STON2: variants seen among roughly 807,000 people sequenced by gnomAD.
The protein encoded by STON2 is stonin-2.
In STON2, 29 loss-of-function variants were observed where a neutral mutation model predicts 65.7. That is an observed-to-expected ratio of 0.44 (90% CI 0.33 to 0.60). The LOEUF (loss-of-function observed/expected upper bound fraction) is 0.60, where lower values mean the gene tolerates loss of function less well. Ranked by LOEUF, STON2 falls within the 20% of genes least tolerant of loss-of-function variation. STON2 has a pLI of 0.03. For synonymous variants in STON2, 404 were observed against 414.2 expected (o/e 0.98, Z 0.30); for missense variants, 1,054 against 1,118.1 (o/e 0.94, Z 0.82).
At chr14:81,385,847 A>T (rs916926287) in intron 3 of STON2, among the ~76,000 whole-genome samples, 7 of 152,248 alleles carry the variant, frequency 4.6e-5, no homozygotes, top group African/African-American at 1.4e-4. Flanking sequence ...AAGTAAACTA[A>T]TGCATATTTG....
chr14:81,324,059 G>A lies in STON2; in HGVS notation c.700C>T (p.Gln234Ter), dbSNP rs1896918120. Among the ~76,000 whole-genome samples the A allele has an allele frequency of 6.6e-6, 1 of 152,260 alleles. No individual in the cohort carries two copies. The highest frequency in any genetic ancestry group is 1.5e-5 in the Non-Finnish European group (1 of 68,050). ...CCCTCCGGACCCTCGCCGGGGTTCT[G>A]GCTCCTCTTGGGCTGGGGTGAGGGT... is the stretch of plus-strand genomic sequence containing the variant. ...SPPSPQPKRS[Q>*]NPGEGPEGAS... is the part of the protein sequence containing the mutation. Residue 234 changes from glutamine (Q) to a stop codon, truncating the protein, a stop_gained, in exon 5 of 8, where the codon CAG becomes TAG. Coordinates refer to ENST00000614646, the MANE Select transcript of STON2 (RefSeq NM_001394390.1). LOFTEE classifies it high-confidence loss of function.
chr14:81,289,756 C>T (rs1341376799), intron 5 of STON2, among the ~76,000 whole-genome samples: 1 of 152,184 alleles, frequency 6.6e-6, no homozygotes, highest in African/African-American at 2.4e-5. Context: ...ACTTTGGCCA[C>T]CAGAGCCGGC....
chr14:81,340,083 G>A (rs1047371391), intron 4 of STON2, among the ~76,000 whole-genome samples: 5 of 152,208 alleles, frequency 3.3e-5, no homozygotes, highest in African/African-American at 7.2e-5. Context: ...AAACCCGGGG[G>A]ATGGAGCCTG....
intron 1 of STON2, chr14:81,427,529 G>C (rs1902038548): frequency 6.6e-6 from 1 of 152,258 alleles, no homozygotes; most frequent in Middle Eastern, 3.4e-3. Context: ...GCGCTCCAGG[G>C]TGCCTGAGTA....
chr14:81,335,555 C>A (rs559735809), intron 4 of STON2, among the ~76,000 whole-genome samples: 1 of 152,256 alleles, frequency 6.6e-6, no homozygotes, highest in South Asian at 2.1e-4. Flanking sequence ...GCTGGACTGT[C>A]AGATACCCTG....
chr14:81,358,870 C>T (rs977284396), intron 4 of STON2, among the ~76,000 whole-genome samples: 1 of 152,046 alleles, frequency 6.6e-6, no homozygotes, highest in Non-Finnish European at 1.5e-5. Context: ...CCCCCAATAT[C>T]GAAGCACCTA....
intron 4 of STON2, among the ~76,000 whole-genome samples, chr14:81,348,509 A>G (rs1471463965): frequency 6.6e-6 from 1 of 152,124 alleles, no homozygotes; most frequent in African/African-American, 2.4e-5. Context: ...TACAATAACT[A>G]CAAAAACAAT....
chr14:81,313,423 G>T (rs1301643030), intron 5 of STON2, among the ~76,000 whole-genome samples: 2 of 151,940 alleles, frequency 1.3e-5, no homozygotes, highest in African/African-American at 2.4e-5. Context: ...GTGCAGATAC[G>T]ATGGTGAACA....
chr14:81,387,113 T>G (rs1172444946), intron 3 of STON2, among the ~76,000 whole-genome samples: 1 of 152,086 alleles, frequency 6.6e-6, no homozygotes, highest in East Asian at 1.9e-4. Flanking sequence ...TCAAAAAAAT[T>G]TCTTTAGAGA....
chr14:81,428,995 A>G (rs905191985), intron 1 of STON2, among the ~76,000 whole-genome samples: 1 of 152,202 alleles, frequency 6.6e-6, no homozygotes, highest in Non-Finnish European at 1.5e-5. Flanking sequence ...TTTCATTCAG[A>G]TGGTGTGTTT....
intron 6 of STON2, among the ~76,000 whole-genome samples, chr14:81,276,486 T>C (rs1288819530): frequency 1.3e-5 from 2 of 152,192 alleles, no homozygotes; most frequent in Non-Finnish European, 2.9e-5. Context: ...TTGTCCATGA[T>C]TGGCCATAAA....
At chr14:81,396,638 G>A (rs1435816845) in intron 2 of STON2, among the ~76,000 whole-genome samples, 3 of 152,188 alleles carry the variant, frequency 2.0e-5, no homozygotes, top group African/African-American at 7.2e-5. Context: ...ACAGCCACAG[G>A]ACACCAGGTG....
chr14:81,380,791 G>C (rs532821936), intron 3 of STON2, among the ~76,000 whole-genome samples: 1 of 152,052 alleles, frequency 6.6e-6, no homozygotes, highest in East Asian at 1.9e-4. Flanking sequence ...CAGAAATAAA[G>C]AAGAAAACAA....
intron 1 of STON2, among the ~76,000 whole-genome samples, chr14:81,429,720 G>A (rs917890747): frequency 5.9e-5 from 9 of 152,256 alleles, no homozygotes; most frequent in African/African-American, 1.7e-4. Flanking sequence ...GACCACCTGA[G>A]GTCAGAAGTT....
At chr14:81,361,381 G>A (rs916580448) in intron 4 of STON2, among the ~76,000 whole-genome samples, 4 of 151,950 alleles carry the variant, frequency 2.6e-5, no homozygotes, top group Non-Finnish European at 5.9e-5. Context: ...TTTGACAAAG[G>A]TGCCAACACA....
chr14:81,346,976 ATAAT>A (rs567605096), intron 4 of STON2, among the ~76,000 whole-genome samples: 11 of 152,264 alleles, frequency 7.2e-5, no homozygotes, highest in Non-Finnish European at 1.5e-4. Context: ...TTTCAAATAA[ATAAT>A]TAACAATGCA....
intron 3 of STON2, among the ~76,000 whole-genome samples, chr14:81,376,724 T>C (rs7158567): frequency 0.042 from 6,464 of 152,174 alleles, 491 homozygotes; most frequent in African/African-American, 0.15. Flanking sequence ...ATCTCAATCA[T>C]GGACATAGGT....
intron 2 of STON2, among the ~76,000 whole-genome samples, chr14:81,411,519 C>G (rs1901158343): frequency 6.6e-6 from 1 of 152,172 alleles, no homozygotes; most frequent in Non-Finnish European, 1.5e-5. Context: ...CCAGCCTGAC[C>G]AACATGGTGA....
intron 4 of STON2, among the ~76,000 whole-genome samples, chr14:81,355,139 T>C (rs932510298): frequency 4.6e-5 from 7 of 152,166 alleles, no homozygotes; most frequent in African/African-American, 9.7e-5. Context: ...ACAGGACTTA[T>C]GGATAAGGCA....
Sources: gnomAD v4.1 joint callset for allele counts (sites outside exome capture counted in the v4.1 genomes callset) on GRCh38, gnomAD v4.1.1 for gene constraint, MANE v1.5 for transcripts, NCBI Gene and HGNC (gene_info 2026-07-23, HGNC 2026-07-21) for gene names.